Variants in MLLT3 observed in about 807,000 individuals in gnomAD.
MLLT3 encodes protein AF-9.
In MLLT3, 4 loss-of-function variants were observed where a neutral mutation model predicts 53.2. The ratio of observed to expected loss-of-function variants is 0.08; its 90% CI spans 0.04 to 0.17. MLLT3 has a LOEUF of 0.17. Among genes scored for constraint, MLLT3 ranks in the 10% least tolerant of loss-of-function variants. MLLT3 has a pLI of 1.00. For missense variants in MLLT3, 569 were observed against 684.0 expected, an observed-to-expected ratio of 0.83 and a Z score of 1.87; for synonymous variants, 283 against 230.6, an observed-to-expected ratio of 1.23 and a Z score of -2.06.
chr9:20,549,182 A>T (rs1818864632), intron 2 of MLLT3, among the ~76,000 whole-genome samples: 1 of 152,222 alleles, frequency 6.6e-6, no homozygotes, highest in Non-Finnish European at 1.5e-5. Context: ...TTCATTTGAC[A>T]AGGCACAGGC....
intron 2 of MLLT3, among the ~76,000 whole-genome samples, chr9:20,553,473 C>T (rs1181277211): frequency 1.3e-5 from 2 of 152,170 alleles, no homozygotes; most frequent in Non-Finnish European, 2.9e-5. Context: ...AGAAATCTGA[C>T]CTCAATTCCA....
intron 2 of MLLT3, among the ~76,000 whole-genome samples, chr9:20,565,599 C>T (rs1256542149): frequency 6.6e-6 from 1 of 151,962 alleles, no homozygotes; most frequent in East Asian, 1.9e-4. Context: ...TTATCTATAC[C>T]ATGAGTTTTT....
intron 2 of MLLT3, among the ~76,000 whole-genome samples, chr9:20,458,357 A>G (rs577160558): frequency 2.6e-5 from 4 of 152,146 alleles, no homozygotes; most frequent in Non-Finnish European, 5.9e-5. Context: ...AGCAGCCCAG[A>G]ATACTTGGGT....
At chr9:20,556,824 G>C (rs1200838854) in intron 2 of MLLT3, among the ~76,000 whole-genome samples, 1 of 152,086 alleles carries the variant, frequency 6.6e-6, no homozygotes, top group African/African-American at 2.4e-5. Flanking sequence ...GACAATGTTA[G>C]ATTTTTCATC....
intron 2 of MLLT3, among the ~76,000 whole-genome samples, chr9:20,585,324 A>T (rs143414732): frequency 6.6e-6 from 1 of 152,278 alleles, no homozygotes; most frequent in African/African-American, 2.4e-5. Context: ...CCCTTCTTAT[A>T]AAGACACTAA....
chr9:20,543,100 A>T (rs1004808561), intron 2 of MLLT3, among the ~76,000 whole-genome samples: 1 of 152,240 alleles, frequency 6.6e-6, no homozygotes, highest in Non-Finnish European at 1.5e-5. Context: ...GCTCAAGGGA[A>T]AATTGTGGCT....
rs1008237365 is a variant in MLLT3 at position 20,621,540 on chromosome 9, G to A, written c.12+705C>T. Among the ~76,000 whole-genome samples, 2 of 151,350 alleles carry A rather than the reference G, an allele frequency of 1.3e-5. No individual in the cohort carries two copies. Among genetic ancestry groups the A allele is most frequent in the East Asian group, 3.9e-4 (2 of 5,162 alleles). On this transcript the variant is annotated intron_variant, in intron 1 of 10. Transcript: ENST00000380338. This position sits in a 1 kb window ranked among gnomAD's most constrained non-coding sequence, Gnocchi z 7.0. ...CAGCGAAAAGCCCCACGCGATCGGC[G>A]AGGCCAGTCGAACCGAGCCCCCGCA...
intron 4 of MLLT3, among the ~76,000 whole-genome samples, chr9:20,422,293 C>T (rs1157388465): frequency 6.6e-6 from 1 of 152,168 alleles, no homozygotes; most frequent in Non-Finnish European, 1.5e-5. Context: ...TTTGAATAAT[C>T]TCCCATTTTT....
intron 2 of MLLT3, among the ~76,000 whole-genome samples, chr9:20,518,651 A>G (rs1817976957): frequency 1.3e-5 from 2 of 152,250 alleles, no homozygotes; most frequent in African/African-American, 2.4e-5. Context: ...GGTTAACACC[A>G]GTAATACATA....
At chr9:20,435,084 T>C (rs1327609908) in intron 4 of MLLT3, among the ~76,000 whole-genome samples, 2 of 152,160 alleles carry the variant, frequency 1.3e-5, no homozygotes, top group East Asian at 1.9e-4. Flanking sequence ...GGATGGGGAA[T>C]GGAGTCCAAT....
In MLLT3 at chr9:20,365,665, A is replaced by G; in HGVS notation, c.1201+4T>C. On this transcript the variant is annotated splice_donor_region_variant and intron_variant, in intron 6 of 10. Coordinates refer to ENST00000380338, the MANE Select transcript of MLLT3 (RefSeq NM_004529.4). ...ATCTCCTAGTTTGCATGAGATGTTG[A>G]TACCTTGTTGCCTGGTCTGGGATGG... The G allele has an allele frequency of 1.2e-6, 2 of 1,614,200 alleles. No individual in the cohort carries two copies. The highest frequency in any genetic ancestry group is 1.7e-6 in the Non-Finnish European group (2 of 1,180,032).
intron 4 of MLLT3, among the ~76,000 whole-genome samples, chr9:20,442,548 G>A (rs1823580990): frequency 6.6e-6 from 1 of 152,078 alleles, no homozygotes; most frequent in Non-Finnish European, 1.5e-5. Context: ...TGAGAAATTA[G>A]AAGTGTTCTC....
At chr9:20,521,274 T>C (rs1167086316) in intron 2 of MLLT3, among the ~76,000 whole-genome samples, 1 of 152,180 alleles carries the variant, frequency 6.6e-6, no homozygotes, top group Non-Finnish European at 1.5e-5. Flanking sequence ...TTTCGCCGTG[T>C]TGGCCAGTCT....
At chr9:20,391,766 T>C (rs1172906947) in intron 5 of MLLT3, among the ~76,000 whole-genome samples, 1 of 152,234 alleles carries the variant, frequency 6.6e-6, no homozygotes, top group Non-Finnish European at 1.5e-5. Context: ...TCTTTGTCAC[T>C]ATCAAATGTA....
At chr9:20,483,565 T>C (rs1824722034) in intron 2 of MLLT3, among the ~76,000 whole-genome samples, 1 of 151,812 alleles carries the variant, frequency 6.6e-6, no homozygotes, top group Non-Finnish European at 1.5e-5. Context: ...AGAAAATATG[T>C]GCACCTAATT....
rs768418734 is a variant in MLLT3 at position 20,414,334 on chromosome 9, C to T, written c.512G>A (p.Ser171Asn). Residue 171 changes from serine to asparagine, a missense_variant, in exon 5 of 11, where the codon AGC (serine) becomes AAC (asparagine). By Grantham distance (46) the Ser-to-Asn change is conservative. Coordinates refer to ENST00000380338, the MANE Select transcript of MLLT3 (RefSeq NM_004529.4). ...SSSSSSSSSS[S>N]SSSSSSSSSS... The stretch of plus-strand genomic sequence containing the variant: ...GCTACTGCTGCTGCTGCTGCTGCTG[C>T]TGCTGCTGCTACTGCTGCTGCTGCT... 5 of 1,606,224 alleles carry T rather than the reference C, an allele frequency of 3.1e-6. No individual in the cohort carries two copies. The highest frequency in any genetic ancestry group is 1.3e-5 in the African/African-American group (1 of 74,482).
chr9:20,504,674 A>G (rs968260015), intron 2 of MLLT3, among the ~76,000 whole-genome samples: 2 of 152,118 alleles, frequency 1.3e-5, no homozygotes, highest in Non-Finnish European at 2.9e-5. Flanking sequence ...ATTGTACAAT[A>G]TGGTGACTAC....
chr9:20,467,617 C>G (rs183535866), intron 2 of MLLT3, among the ~76,000 whole-genome samples: 1 of 152,046 alleles, frequency 6.6e-6, no homozygotes. Context: ...AGTCGATGAG[C>G]AGATTTAATC....
chr9:20,417,658 A>G (rs2118785724), intron 4 of MLLT3, among the ~76,000 whole-genome samples: 1 of 152,274 alleles, frequency 6.6e-6, no homozygotes, highest in South Asian at 2.1e-4. Flanking sequence ...ATAAATATAC[A>G]TATATTTGCA....
Sources: gnomAD v4.1 joint callset for allele counts (sites outside exome capture counted in the v4.1 genomes callset) on GRCh38, gnomAD v4.1.1 for gene constraint, Gnocchi (gnomAD v3.1) non-coding constraint, MANE v1.5 for transcripts, NCBI Gene and HGNC (gene_info 2026-07-23, HGNC 2026-07-21) for gene names.